The following MAGI1 variants were observed in gnomAD, a reference collection of about 807,000 sequenced individuals.
The protein encoded by MAGI1 is membrane associated guanylate kinase, WW and PDZ domain containing 1.
A neutral mutation model predicts 139.9 loss-of-function variants in MAGI1; 58 were observed. That is an observed-to-expected ratio of 0.41 (90% CI 0.34 to 0.52). The LOEUF is 0.52. Ranked by LOEUF, MAGI1 falls within the 20% of genes least tolerant of loss-of-function variation. The pLI is 0.12. For synonymous variants in MAGI1, 812 were observed against 737.9 expected (o/e 1.10, Z -1.63); for missense variants, 1,874 against 1,901.6 (o/e 0.99, Z 0.27).
At chr3:65,552,580 A>G (rs769332722) in intron 2 of MAGI1, among the ~76,000 whole-genome samples, 21 of 152,144 alleles carry the variant, frequency 1.4e-4, no homozygotes, top group Admixed American at 4.6e-4. Flanking sequence ...GGTAAATGCA[A>G]CTGGGGACAA....
intron 1 of MAGI1, among the ~76,000 whole-genome samples, chr3:65,776,247 C>CT (rs5849693): frequency 0.44 from 62,097 of 141,416 alleles, 13,752 homozygotes; most frequent in South Asian, 0.53. Context: ...AGTTGGGTTT[C>CT]TTTTTTTTTT....
intron 1 of MAGI1, among the ~76,000 whole-genome samples, chr3:65,951,419 T>G (rs1397514793): frequency 6.6e-6 from 1 of 152,176 alleles, no homozygotes; most frequent in Non-Finnish European, 1.5e-5. Context: ...TTGTTAAACG[T>G]AAAAACAGAT....
intron 1 of MAGI1, among the ~76,000 whole-genome samples, chr3:65,688,903 G>A (rs1477653408): frequency 1.3e-5 from 2 of 152,150 alleles, no homozygotes; most frequent in Non-Finnish European, 2.9e-5. Flanking sequence ...TACTGAGTAA[G>A]AAACTATTGA....
intron 2 of MAGI1, among the ~76,000 whole-genome samples, chr3:65,534,336 T>C (rs1440039094): frequency 6.6e-6 from 1 of 151,800 alleles, no homozygotes; most frequent in Non-Finnish European, 1.5e-5. Flanking sequence ...AATAAATAAA[T>C]GAAAATCAGC....
At chr3:65,423,309 G>C (rs1946766835) in intron 12 of MAGI1, among the ~76,000 whole-genome samples, 1 of 152,138 alleles carries the variant, frequency 6.6e-6, no homozygotes. Flanking sequence ...TTAACTCTCT[G>C]TGCATGGCTT....
intron 1 of MAGI1, among the ~76,000 whole-genome samples, chr3:65,788,930 T>C (rs1369236199): frequency 6.6e-6 from 1 of 152,064 alleles, no homozygotes; most frequent in Non-Finnish European, 1.5e-5. Context: ...ATAATCCCAG[T>C]GTTTTGGGAG....
At chr3:65,613,808 G>A (rs983650812) in intron 2 of MAGI1, among the ~76,000 whole-genome samples, 1 of 151,876 alleles carries the variant, frequency 6.6e-6, no homozygotes, top group Non-Finnish European at 1.5e-5. Flanking sequence ...AACAAATGCC[G>A]GAAAGTCAGT....
At chr3:66,029,212 T>C (rs774406965) in intron 1 of MAGI1, among the ~76,000 whole-genome samples, 4 of 152,182 alleles carry the variant, frequency 2.6e-5, no homozygotes, top group Non-Finnish European at 5.9e-5. Context: ...TTGCTATTTG[T>C]GGATCATTTT....
intron 1 of MAGI1, chr3:65,844,256 C>T (rs1023999874): frequency 2.3e-6 from 1 of 441,176 alleles, no homozygotes; most frequent in Non-Finnish European, 4.4e-6. Context: ...GAACAAAGCA[C>T]CTAAGATGTG....
At chr3:65,729,580 C>A (rs2033981282) in intron 1 of MAGI1, among the ~76,000 whole-genome samples, 1 of 152,020 alleles carries the variant, frequency 6.6e-6, no homozygotes, top group South Asian at 2.1e-4. Flanking sequence ...AGAGCCACTG[C>A]CAATCCTGCT....
intron 1 of MAGI1, among the ~76,000 whole-genome samples, chr3:65,739,147 C>G (rs2035037854): frequency 6.6e-6 from 1 of 152,236 alleles, no homozygotes; most frequent in Non-Finnish European, 1.5e-5. Flanking sequence ...AGCTTGATCT[C>G]CTGCATACCT....
chr3:65,904,470 C>T (rs1166538130), intron 1 of MAGI1, among the ~76,000 whole-genome samples: 4 of 152,202 alleles, frequency 2.6e-5, no homozygotes, highest in South Asian at 4.1e-4. Context: ...ACCCTGACCA[C>T]GGCCTTCAGG....
In MAGI1 at chr3:65,363,478, C is replaced by T; in HGVS notation, c.3482G>A (p.Cys1161Tyr). ...RLAEDGPAER[C>Y]GKMRIGDEIL... is the part of the protein sequence containing the mutation. ...CTCTCCACTTACCCTCATCTTTCCACACCTCTCCGCAGGACCGTCCTCTGC... is the reference window on the plus strand; with the variant it reads ...CTCTCCACTTACCCTCATCTTTCCATACCTCTCCGCAGGACCGTCCTCTGC... The change falls in exon 21 of 23, where the codon TGT becomes TAT. Residue 1161 changes from cysteine to tyrosine, a missense_variant. Coordinates refer to ENST00000402939, the MANE Select transcript of MAGI1 (RefSeq NM_001033057.2). 6.2e-7 allele frequency: 1 copy of T among 1,611,746 alleles called. No individual in the cohort carries two copies. The highest frequency in any genetic ancestry group is 8.5e-7 in the Non-Finnish European group (1 of 1,178,946).
intron 2 of MAGI1, among the ~76,000 whole-genome samples, chr3:65,546,423 C>T (rs2079511681): frequency 6.6e-6 from 1 of 152,174 alleles, no homozygotes; most frequent in South Asian, 2.1e-4. Flanking sequence ...TTCTACTTTG[C>T]ACATTCTTTT....
intron 13 of MAGI1, among the ~76,000 whole-genome samples, chr3:65,398,997 T>C (rs9837984): frequency 0.97 from 147,342 of 151,870 alleles, 71,639 homozygotes; most frequent in South Asian, 1. Context: ...TTATTGAAAA[T>C]CTTAAGAAAA....
chr3:65,980,472 A>G (rs1055448928), intron 1 of MAGI1, among the ~76,000 whole-genome samples: 3 of 151,758 alleles, frequency 2.0e-5, no homozygotes, highest in Non-Finnish European at 4.4e-5. Flanking sequence ...CTGAGGCAGG[A>G]GAATCGCTTG....
chr3:65,798,328 C>CA (rs2040282719), intron 1 of MAGI1, among the ~76,000 whole-genome samples: 2 of 151,780 alleles, frequency 1.3e-5, no homozygotes, highest in South Asian at 4.2e-4. Context: ...AACAAACAAA[C>CA]AAACAAACAC....
At chr3:65,832,408 T>G (rs2042578720) in intron 1 of MAGI1, among the ~76,000 whole-genome samples, 1 of 152,150 alleles carries the variant, frequency 6.6e-6, no homozygotes, top group Non-Finnish European at 1.5e-5. Flanking sequence ...AGAAAACTCC[T>G]AGGGATGGAG....
chr3:65,569,041 C>A (rs1244058291), intron 2 of MAGI1, among the ~76,000 whole-genome samples: 4 of 152,166 alleles, frequency 2.6e-5, no homozygotes, highest in Non-Finnish European at 4.4e-5. Flanking sequence ...TGCCAAGCAA[C>A]CCAAGTGCCT....
Sources: allele counts gnomAD v4.1 joint callset (sites outside exome capture counted in the v4.1 genomes callset), GRCh38; gene constraint gnomAD v4.1.1; transcripts MANE v1.5; gene names NCBI Gene and HGNC (gene_info 2026-07-23, HGNC 2026-07-21).